NUDC: variants seen among roughly 807,000 people sequenced by gnomAD.
NUDC encodes nuclear migration protein nudC.
In NUDC, 14 loss-of-function variants were observed where a neutral mutation model predicts 45.0. The ratio of observed to expected loss-of-function variants is 0.31; its 90% CI spans 0.21 to 0.49. The LOEUF is 0.49. Ranked by LOEUF, NUDC falls within the 20% of genes least tolerant of loss-of-function variation. The probability of loss-of-function intolerance (pLI) is 0.99; values close to 1 mark genes in which losing one functional copy is unlikely to be tolerated. For synonymous variants in NUDC, 153 were observed against 156.7 expected (o/e 0.98, Z 0.17); for missense variants, 323 against 426.2 (o/e 0.76, Z 2.13).
At chr1:26,907,635 G>A (rs570076474) in intron 2 of NUDC, among the ~76,000 whole-genome samples, 76 of 152,284 alleles carry the variant, frequency 5.0e-4, no homozygotes, top group African/African-American at 1.5e-3. Flanking sequence ...GGCAGTCAAC[G>A]ATTTGGCTAA....
intron 2 of NUDC, among the ~76,000 whole-genome samples, chr1:26,909,951 G>A (rs2082018790): frequency 6.6e-6 from 1 of 152,120 alleles, no homozygotes; most frequent in Non-Finnish European, 1.5e-5. Context: ...GGGGAAAGAG[G>A]ATGAATGGTT....
chr1:26,909,787 G>A (rs986753557), intron 2 of NUDC, among the ~76,000 whole-genome samples: 1 of 152,068 alleles, frequency 6.6e-6, no homozygotes, highest in Non-Finnish European at 1.5e-5. Flanking sequence ...AGAGAGTCCT[G>A]GGGGCCTGAG....
chr1:26,922,851 A>G (rs1306851417), intron 1 of NUDC, among the ~76,000 whole-genome samples: 1 of 152,148 alleles, frequency 6.6e-6, no homozygotes, highest in Admixed American at 6.6e-5. Flanking sequence ...TGTGGTGGGG[A>G]GAGTGTTTCT....
At chr1:26,925,055 A>G (rs2082120010) in intron 2 of NUDC, among the ~76,000 whole-genome samples, 1 of 139,082 alleles carries the variant, frequency 7.2e-6, no homozygotes, top group African/African-American at 2.7e-5. Flanking sequence ...TAATTTTTGT[A>G]TTTTTAGTAG....
intron 2 of NUDC, among the ~76,000 whole-genome samples, chr1:26,904,028 A>T (rs191870403): frequency 0.02 from 2,447 of 120,098 alleles, 114 homozygotes; most frequent in African/African-American, 0.067. Flanking sequence ...ATAAATAAAT[A>T]AATAAATTAA....
At chr1:26,910,516 G>A (rs1168119136) in intron 2 of NUDC, among the ~76,000 whole-genome samples, 3 of 152,262 alleles carry the variant, frequency 2.0e-5, no homozygotes, top group African/African-American at 4.8e-5. Context: ...GAATGATGAC[G>A]CCTAGACTGT....
At chr1:26,904,133 T>G (rs1460810790) in intron 2 of NUDC, among the ~76,000 whole-genome samples, 4 of 149,346 alleles carry the variant, frequency 2.7e-5, no homozygotes, top group Admixed American at 6.7e-5. Context: ...TATATCTAGG[T>G]TTAAACCCAC....
upstream of NUDC, among the ~76,000 whole-genome samples, chr1:26,916,836 T>C (rs191281002): frequency 1.6e-3 from 246 of 152,278 alleles, 1 homozygote; most frequent in Non-Finnish European, 2.6e-3. Context: ...ACACCTATAG[T>C]TCCAGCTACT....
At chr1:26,934,065 A>G (rs1378366019) in intron 2 of NUDC, among the ~76,000 whole-genome samples, 1 of 152,208 alleles carries the variant, frequency 6.6e-6, no homozygotes, top group African/African-American at 2.4e-5. Flanking sequence ...AGGCAAGAGA[A>G]TCGCTTAAAC....
chr1:26,933,115 T>C (rs2082197085), intron 2 of NUDC, among the ~76,000 whole-genome samples: 1 of 152,106 alleles, frequency 6.6e-6, no homozygotes, highest in African/African-American at 2.4e-5. Flanking sequence ...TTTGTATTTT[T>C]ATTAGAGTCG....
chr1:26,921,934 C>A lies in NUDC; in HGVS notation c.81+5C>A, dbSNP rs1162648856. The A allele has an allele frequency of 6.5e-7, 1 of 1,549,794 alleles. No homozygotes were observed. Among genetic ancestry groups the A allele is most frequent in the Non-Finnish European group, 8.7e-7 (1 of 1,146,234 alleles). ...CACGAGGGCGGCGTGCAGGAGGTAA[C>A]GGCCCGCGCGGCGTCGGCCCACCCG... On this transcript the variant is annotated splice_donor_5th_base_variant and intron_variant, in intron 1 of 8. Transcript: ENST00000321265.
chr1:26,927,264 CGTGTGTGTGTGTGTGTGTGTGTGT>C (rs60238934), intron 2 of NUDC, among the ~76,000 whole-genome samples: 7 of 91,804 alleles, frequency 7.6e-5, no homozygotes, highest in African/African-American at 2.9e-4. Flanking sequence ...AGAGATGAAC[CGTGTGTGTGTGTGTGTGTGTGTGT>C]GTGTGTGTGT....
intron 3 of NUDC, chr1:26,914,080 A>C: frequency 3.4e-5 from 22 of 639,198 alleles, no homozygotes; most frequent in Middle Eastern, 4.5e-4. Flanking sequence ...AAAAAAACAC[A>C]CAGACATTGC....
chr1:26,931,617 A>T (rs1240722097), intron 2 of NUDC, among the ~76,000 whole-genome samples: 2 of 150,028 alleles, frequency 1.3e-5, no homozygotes, highest in Non-Finnish European at 3.0e-5. Flanking sequence ...TGTCTCTACT[A>T]AAAATACAAA....
At chr1:26,927,343 C>CTGTAAGAAGG (rs1442552706) in intron 2 of NUDC, among the ~76,000 whole-genome samples, 10 of 146,584 alleles carry the variant, frequency 6.8e-5, no homozygotes, top group African/African-American at 1.3e-4. Context: ...AGCACAGTGG[C>CTGTAAGAAGG]GTGATCCAGC....
At position 26,945,684 on chromosome 1, in the gene NUDC, G is replaced by A; in HGVS notation, c.942G>A (p.Lys314=). 1 of 1,611,502 alleles carries A rather than the reference G, an allele frequency of 6.2e-7. No homozygotes were observed. Among genetic ancestry groups the A allele is most frequent in the Non-Finnish European group, 8.5e-7 (1 of 1,177,868 alleles). Residue 314 remains lysine (K), a splice_region_variant and synonymous_variant, in exon 8 of 9, where the codon AAG becomes AAA. Transcript: ENST00000321265. ...SDEQKKQEIL[K]KFMDQHPEMD... ...AACAGAAGAAACAGGAGATTCTGAAGAAGTGAGCAATTCAGAGACGGGGTT... is the reference window on the plus strand; with the variant it reads ...AACAGAAGAAACAGGAGATTCTGAAAAAGTGAGCAATTCAGAGACGGGGTT...
chr1:26,915,017 T>TATATGTATATG (rs1557668269), intron 3 of NUDC, among the ~76,000 whole-genome samples: 51 of 88,768 alleles, frequency 5.7e-4, no homozygotes, highest in African/African-American at 1.9e-3. Flanking sequence ...ATATGTATAT[T>TATATGTATATG]TATATGTATA....
chr1:26,942,549 G>C (rs1476823881), intron 4 of NUDC, 111 bp from the exon 5 acceptor site: 2 of 1,529,524 alleles, frequency 1.3e-6, no homozygotes, highest in African/African-American at 2.7e-5. Context: ...GACCAGGTCT[G>C]TTTTCTTTTG....
chr1:26,920,687 T>G (rs370069484), upstream of NUDC, among the ~76,000 whole-genome samples: 1 of 150,774 alleles, frequency 6.6e-6, no homozygotes, highest in African/African-American at 2.4e-5. Context: ...TTTGAGAGGC[T>G]GAGGCAGGAG....
Sources: allele counts gnomAD v4.1 joint callset (sites outside exome capture counted in the v4.1 genomes callset), GRCh38; gene constraint gnomAD v4.1.1; transcripts MANE v1.5; gene names NCBI Gene and HGNC (gene_info 2026-07-23, HGNC 2026-07-21).